The following IGLON5 variants were observed in gnomAD, a reference collection of about 807,000 sequenced individuals.
IGLON5 encodes IgLON family member 5.
Under a neutral mutation model 38.2 loss-of-function variants are expected in IGLON5, and 16 were observed. The ratio of observed to expected loss-of-function variants is 0.42; its 90% CI spans 0.28 to 0.64. IGLON5 has a LOEUF of 0.64. Among genes scored for constraint, IGLON5 ranks in the 30% least tolerant of loss-of-function variants. IGLON5 has a pLI of 0.23. For synonymous variants in IGLON5, 207 were observed against 216.4 expected, an observed-to-expected ratio of 0.96 and a Z score of 0.38; for missense variants, 366 against 483.4, an observed-to-expected ratio of 0.76 and a Z score of 2.28.
chr19:51,323,638 C>T, intron 2 of IGLON5, 24 bp from the exon 3 acceptor site: 1 of 1,575,688 alleles, frequency 6.3e-7, no homozygotes, highest in South Asian at 1.1e-5. Flanking sequence ...TGGAGAAAAA[C>T]CTTCCCACTC....
chr19:51,326,582 C>T (rs1985219727), intron 4 of IGLON5, among the ~76,000 whole-genome samples, 182 bp from the exon 5 acceptor site: 1 of 151,712 alleles, frequency 6.6e-6, no homozygotes, highest in South Asian at 2.1e-4. Flanking sequence ...TTCCCCCACC[C>T]CCAGCTGGAG....
Position 51,327,224 on chromosome 19 carries a change from G to C in IGLON5, c.767+24G>C, listed in dbSNP as rs778688332. 1 of 1,597,616 alleles carries C rather than the reference G, an allele frequency of 6.3e-7. No homozygotes were observed. Among genetic ancestry groups the C allele is most frequent in the South Asian group, 1.1e-5 (1 of 90,502 alleles). ...CTGTGAGGACAGCACTGAGGGGGCC[G>C]TGGGAGCGGGAAGGGGAGGTCTTTA... On this transcript the variant is annotated intron_variant, in intron 6 of 7. Coordinates refer to ENST00000270642, the MANE Select transcript of IGLON5 (RefSeq NM_001101372.3). This position sits in a 1 kb window ranked among gnomAD's most constrained non-coding sequence, Gnocchi z 7.1.
At chr19:51,312,251 A>T (rs1214474852) in intron 1 of IGLON5, among the ~76,000 whole-genome samples, 1 of 144,234 alleles carries the variant, frequency 6.9e-6, no homozygotes, top group Non-Finnish European at 1.5e-5. Flanking sequence ...GCTCCTGTTG[A>T]GGAGGGGGCA....
intron 1 of IGLON5, among the ~76,000 whole-genome samples, chr19:51,312,932 G>T (rs1335721561): frequency 6.6e-6 from 1 of 152,126 alleles, no homozygotes; most frequent in Non-Finnish European, 1.5e-5. Context: ...CTGGAGGGTG[G>T]GCGCTCAGGA....
intron 1 of IGLON5, among the ~76,000 whole-genome samples, chr19:51,314,809 G>A (rs751447634): frequency 3.9e-5 from 6 of 152,270 alleles, no homozygotes; most frequent in South Asian, 4.2e-4. Flanking sequence ...CAAACAGTCC[G>A]CCTCTGATAA....
At chr19:51,320,750 G>T (rs561829895) in intron 1 of IGLON5, among the ~76,000 whole-genome samples, 2 of 152,028 alleles carry the variant, frequency 1.3e-5, no homozygotes, top group East Asian at 1.9e-4. Context: ...ATCTCTGTGC[G>T]CACGTGTTCA....
chr19:51,323,258 C>G (rs1478499043), intron 2 of IGLON5, among the ~76,000 whole-genome samples: 1 of 151,068 alleles, frequency 6.6e-6, no homozygotes, highest in Non-Finnish European at 1.5e-5. Flanking sequence ...CTCTCTCTCT[C>G]TGGGTCTCTG....
chr19:51,313,066 G>A (rs1020934959), intron 1 of IGLON5, among the ~76,000 whole-genome samples: 1 of 152,172 alleles, frequency 6.6e-6, no homozygotes, highest in African/African-American at 2.4e-5. Flanking sequence ...GAGGCCGCCC[G>A]CATAGACCAA....
intron 2 of IGLON5, among the ~76,000 whole-genome samples, chr19:51,322,844 C>G (rs925655696): frequency 9.3e-5 from 14 of 150,228 alleles, no homozygotes; most frequent in Admixed American, 9.2e-4. Context: ...GTGTCTCTGT[C>G]CCTCTCTCTC....
intron 1 of IGLON5, among the ~76,000 whole-genome samples, chr19:51,313,695 C>CTTTCTTTCTT (rs57541204): frequency 3.9e-5 from 2 of 51,226 alleles, no homozygotes; most frequent in African/African-American, 1.0e-4. Context: ...TTCTTTCTTT[C>CTTTCTTTCTT]TTCTTTCTTC....
chr19:51,317,770 A>G (rs554830467), intron 1 of IGLON5, among the ~76,000 whole-genome samples: 1 of 152,304 alleles, frequency 6.6e-6, no homozygotes, highest in African/African-American at 2.4e-5. Context: ...GCTGAGCTAG[A>G]CACTTCTGCT....
At chr19:51,315,688 C>CTTTTTTTTTTTTTTTTTTTTTTTTTTTTT (rs756194855) in intron 1 of IGLON5, among the ~76,000 whole-genome samples, 2 of 82,590 alleles carry the variant, frequency 2.4e-5, no homozygotes, top group African/African-American at 9.0e-5. Context: ...GGAAGTCAAC[C>CTTTTTTTTTTTTTTTTTTTTTTTTTTTTT]TTTTTTTTTT....
Position 51,327,878 on chromosome 19 carries a change from G to A in IGLON5, c.914G>A (p.Arg305Gln). ...NRLGASSASM[R>Q]LLRPGSLENS... is the part of the protein sequence containing the mutation. ...CTGGGAGCGTCCAGCGCCTCCATGC[G>A]GCTCCTGCGTGCGTCTTCGGGCGGG... Residue 305 changes from arginine to glutamine, a missense_variant, in exon 7 of 8, where the codon CGG becomes CAG. Coordinates refer to ENST00000270642, the MANE Select transcript of IGLON5 (RefSeq NM_001101372.3). This position sits in a 1 kb window ranked among gnomAD's most constrained non-coding sequence, Gnocchi z 7.1. The A allele has an allele frequency of 6.6e-7, 1 of 1,517,448 alleles. No individual in the cohort carries two copies. The highest frequency in any genetic ancestry group is 1.2e-5 in the South Asian group (1 of 81,232). The allele number at this position is 1,517,448 out of a possible 1,614,324, so 94.0% of individuals were successfully genotyped here. A position where few individuals can be genotyped will look rare whatever the true frequency, so the allele number is the denominator to read the frequency against.
At chr19:51,323,311 T>C (rs1293335617) in intron 2 of IGLON5, among the ~76,000 whole-genome samples, 1 of 143,894 alleles carries the variant, frequency 6.9e-6, no homozygotes, top group African/African-American at 2.6e-5. Context: ...TCTCTCTGGG[T>C]CTCTGTCCCT....
At chr19:51,319,743 G>C (rs1273244290) in intron 1 of IGLON5, among the ~76,000 whole-genome samples, 1 of 152,174 alleles carries the variant, frequency 6.6e-6, no homozygotes, top group African/African-American at 2.4e-5. Context: ...CAGCTGACCT[G>C]CTGCTGGGTG....
At position 51,320,179 on chromosome 19, in the gene IGLON5, C is replaced by G. The variant is rs531659087; in HGVS notation, c.80-1885C>G. On this transcript the variant is annotated intron_variant, in intron 1 of 7. Coordinates refer to ENST00000270642, the MANE Select transcript of IGLON5 (RefSeq NM_001101372.3). ...CCCCTCTCTCCATTCTCTTTAAATC[C>G]CAGCAGTGACTCTGGCATGAGGGGG... 1.8e-4 allele frequency among the ~76,000 whole-genome samples: 27 copies of G among 152,242 alleles called. No homozygotes were observed. The East Asian group carries it at 5.2e-3, about 30-fold the overall frequency.
rs988345931 is a variant in IGLON5, at chr19:51,327,928, C to T, written c.922+42C>T. 1 of 1,441,186 alleles carries T rather than the reference C, an allele frequency of 6.9e-7. No individual in the cohort carries two copies. Among genetic ancestry groups the T allele is most frequent in the Admixed American group, 2.5e-5 (1 of 40,484 alleles). The allele number at this position is 1,441,186 out of a possible 1,614,324, so 89.3% of individuals were successfully genotyped here. A position where few individuals can be genotyped will look rare whatever the true frequency, so the allele number is the denominator to read the frequency against. On this transcript the variant is annotated intron_variant, in intron 7 of 7. Transcript: ENST00000270642. The surrounding 1 kb of genome is among the most constrained non-coding windows in gnomAD (Gnocchi z 7.1). ...GGCGGGGCCGGGAAGGTGGGCGGGG[C>T]CGGGGGCGGGGCTAGGGAAGTGGAG...
chr19:51,321,369 G>A (rs1985052178), intron 1 of IGLON5, among the ~76,000 whole-genome samples: 1 of 152,088 alleles, frequency 6.6e-6, no homozygotes, highest in Admixed American at 6.5e-5. Context: ...AGTAGAGATG[G>A]GGTTTTACCA....
rs1599820338 is a variant in IGLON5 at position 51,311,679 on chromosome 19, T to C, written c.-169T>C. On this transcript the variant is annotated 5_prime_UTR_variant, in exon 1 of 8. Coordinates refer to ENST00000270642, the MANE Select transcript of IGLON5 (RefSeq NM_001101372.3). ...CCCCCCTCCCCGGGTCTGCAGCAGC[T>C]CCAGCCGCCTCGTCGCGCCCCCCCA... Among the ~76,000 whole-genome samples the C allele has an allele frequency of 1.8e-5, 2 of 109,736 alleles. No homozygotes were observed. The highest frequency in any genetic ancestry group is 9.8e-5 in the Admixed American group (1 of 10,212). The allele number at this position is 109,736 out of a possible 152,430, so 72.0% of individuals were successfully genotyped here.
Sources: gnomAD v4.1 joint callset for allele counts (sites outside exome capture counted in the v4.1 genomes callset) on GRCh38, gnomAD v4.1.1 for gene constraint, Gnocchi (gnomAD v3.1) non-coding constraint, MANE v1.5 for transcripts, NCBI Gene and HGNC (gene_info 2026-07-23, HGNC 2026-07-21) for gene names.